Variants in TNS1 observed in about 807,000 individuals in gnomAD.
TNS1 encodes tensin-1.
In TNS1, 62 loss-of-function variants were observed where a neutral mutation model predicts 168.6. The observed-to-expected ratio is 0.37, with a 90% confidence interval of 0.30 to 0.45. The LOEUF is 0.45. Among genes scored for constraint, TNS1 ranks in the 20% least tolerant of loss-of-function variants. The probability of loss-of-function intolerance (pLI) is 1.00; values close to 1 mark genes in which losing one functional copy is unlikely to be tolerated. For missense variants in TNS1, 2,240 were observed against 2,339.4 expected, an observed-to-expected ratio of 0.96 and a Z score of 0.88; for synonymous variants, 934 against 933.2, an observed-to-expected ratio of 1.00 and a Z score of -0.02.
At chr2:217,808,379 G>C (rs1360472607) in intron 31 of TNS1, among the ~76,000 whole-genome samples, 3 of 152,136 alleles carry the variant, frequency 2.0e-5, no homozygotes, top group Admixed American at 6.5e-5. Flanking sequence ...CATGGCAGAG[G>C]GGGTAGCAGT....
chr2:218,003,005 C>T, upstream of TNS1: 1 of 446,318 alleles, frequency 2.2e-6, no homozygotes. Context: ...TGCTGGGCCT[C>T]TCGCCCTGCT....
chr2:217,968,980 T>G (rs188378950), intron 3 of TNS1, among the ~76,000 whole-genome samples: 24 of 152,322 alleles, frequency 1.6e-4, no homozygotes, highest in African/African-American at 5.5e-4. Flanking sequence ...ATTACAGGCA[T>G]GAGTCACCAC....
At chr2:217,980,199 G>A (rs1194746220) in intron 2 of TNS1, among the ~76,000 whole-genome samples, 2 of 152,058 alleles carry the variant, frequency 1.3e-5, no homozygotes, top group Non-Finnish European at 2.9e-5. Context: ...GCTGAGCAAG[G>A]TTTTCCTGAC....
At chr2:217,921,607 T>C (rs987830229) in intron 3 of TNS1, among the ~76,000 whole-genome samples, 18 of 152,178 alleles carry the variant, frequency 1.2e-4, no homozygotes, top group African/African-American at 4.1e-4. Context: ...TTCCTGGGTT[T>C]TTGACACAGT....
At chr2:217,884,013 T>C (rs955304456) in intron 16 of TNS1, among the ~76,000 whole-genome samples, 1 of 152,192 alleles carries the variant, frequency 6.6e-6, no homozygotes, top group Non-Finnish European at 1.5e-5. Flanking sequence ...CATGTTTGTG[T>C]GTCTCTCACT....
At chr2:217,867,693 G>A (rs59819986) in intron 18 of TNS1, among the ~76,000 whole-genome samples, 325 of 152,220 alleles carry the variant, frequency 2.1e-3, no homozygotes, top group African/African-American at 7.3e-3. Flanking sequence ...TCCTCTTCCC[G>A]GCTTCCCAAA....
intron 4 of TNS1, among the ~76,000 whole-genome samples, chr2:217,918,758 G>A (rs1468700850): frequency 9.3e-6 from 1 of 107,886 alleles, no homozygotes; most frequent in Admixed American, 1.0e-4. Flanking sequence ...CTCCCCGCCC[G>A]CCCTCCTCGG....
At chr2:217,977,642 CACA>C (rs1486668053) in intron 3 of TNS1, among the ~76,000 whole-genome samples, 1 of 152,178 alleles carries the variant, frequency 6.6e-6, no homozygotes, top group Non-Finnish European at 1.5e-5. Context: ...ATTGAATTCT[CACA>C]ACAACTTTAT....
chr2:217,822,461 T>C (rs1001423643), intron 22 of TNS1, among the ~76,000 whole-genome samples: 1 of 152,170 alleles, frequency 6.6e-6, no homozygotes, highest in Admixed American at 6.5e-5. Context: ...AGTCTTGCCC[T>C]GTGGGGCTGC....
In TNS1 at chr2:217,813,748, C is replaced by T; in HGVS notation, c.4798G>A (p.Ala1600Thr). Residue 1600 changes from alanine to threonine, a missense_variant, in exon 26 of 33, where the codon GCG (alanine) becomes ACG (threonine). Transcript: ENST00000682258. This position sits in a 1 kb window ranked among gnomAD's most constrained non-coding sequence, Gnocchi z 4.0. Reference protein sequence around the residue: ...IIRDSHSFRGAYGLAMKVSSP... With the variant: ...IIRDSHSFRGTYGLAMKVSSP... ...GACACCTTCATGGCCAGCCCGTACGCGCCTCGGAAGGAGTGACTGTCGCGG... is the reference window on the plus strand; with the variant it reads ...GACACCTTCATGGCCAGCCCGTACGTGCCTCGGAAGGAGTGACTGTCGCGG... 1.2e-6 allele frequency: 2 copies of T among 1,613,998 alleles called. No homozygotes were observed. Among genetic ancestry groups the T allele is most frequent in the Non-Finnish European group, 1.7e-6 (2 of 1,179,946 alleles).
chr2:217,966,300 TGTGTGTGTGCGCGCGCGCGC>T (rs1957630652), intron 3 of TNS1, among the ~76,000 whole-genome samples: 1 of 142,156 alleles, frequency 7.0e-6, no homozygotes. Flanking sequence ...TGTGTGTGTG[TGTGTGTGTGCGCGCGCGCGC>T]GTGTGTAAGG....
chr2:217,997,561 T>G (rs1958493147), intron 1 of TNS1, among the ~76,000 whole-genome samples: 1 of 152,216 alleles, frequency 6.6e-6, no homozygotes, highest in Admixed American at 6.5e-5. Context: ...GGGAGGAATA[T>G]GATTACCTTA....
intron 3 of TNS1, among the ~76,000 whole-genome samples, chr2:217,966,940 AAC>A (rs1575144954): frequency 1.3e-5 from 2 of 152,222 alleles, no homozygotes; most frequent in African/African-American, 4.8e-5. Context: ...TGACAGTGTG[AAC>A]AATCACATCT....
At chr2:217,887,334 GT>G (rs760217219) in intron 12 of TNS1, among the ~76,000 whole-genome samples, 2 of 152,156 alleles carry the variant, frequency 1.3e-5, no homozygotes, top group African/African-American at 2.4e-5. Flanking sequence ...TTGAGATGGA[GT>G]TTCACTCTTG....
chr2:217,816,939 T>G (rs1203755759), intron 24 of TNS1, among the ~76,000 whole-genome samples: 1 of 152,186 alleles, frequency 6.6e-6, no homozygotes, highest in East Asian at 1.9e-4. Context: ...AGTTCAAAGT[T>G]GGCCTTTGTG....
chr2:217,998,219 G>GTCTCTCTCTCTCTCTC lies in TNS1; in HGVS notation c.33+4620_33+4621insGAGAGAGAGAGAGAGA, dbSNP rs1173660793. Reference sequence around the variant, plus strand: ...TGAGATAGATGAGTTCTCTCCATCAGTGTCTCTCTCTCTCTCTCTCTCTCT... The same window carrying GTCTCTCTCTCTCTCTC: ...TGAGATAGATGAGTTCTCTCCATCAGTCTCTCTCTCTCTCTCTGTCTCTCTCTCTCTCTCTCTCTCT... On this transcript the variant is annotated intron_variant, in intron 1 of 32. Coordinates refer to ENST00000682258, the MANE Select transcript of TNS1 (RefSeq NM_001387777.1). Among the ~76,000 whole-genome samples, 422 of 97,048 alleles carry GTCTCTCTCTCTCTCTC rather than the reference G, an allele frequency of 4.3e-3. 3 individuals carry two copies. The highest frequency in any genetic ancestry group is 0.017 in the African/African-American group (398 of 23,160). 63.7% of individuals were successfully genotyped at this position (97,048 alleles called of 152,430 possible).
Position 217,990,926 on chromosome 2 carries a change from C to A in TNS1, c.148+16G>T. ...GATGGGTGCTCCCATCCCCCACAGC[C>A]CAGACCGCTGCTCACCTTTGCAGGT... On this transcript the variant is annotated intron_variant, in intron 2 of 32. Transcript: ENST00000682258. The A allele has an allele frequency of 1.6e-6, 1 of 632,668 alleles. No individual in the cohort carries two copies. The highest frequency in any genetic ancestry group is 2.9e-6 in the Non-Finnish European group (1 of 341,066). The allele number at this position is 632,668 out of a possible 1,614,324, so 39.2% of individuals were successfully genotyped here. A position where few individuals can be genotyped will look rare whatever the true frequency, so the allele number is the denominator to read the frequency against.
chr2:217,996,215 T>A (rs1329963550), intron 1 of TNS1, among the ~76,000 whole-genome samples: 1 of 152,112 alleles, frequency 6.6e-6, no homozygotes, highest in Non-Finnish European at 1.5e-5. Flanking sequence ...AAGCCCTGGA[T>A]GATGTGGGGA....
At chr2:217,964,304 A>G (rs1178346939) in intron 3 of TNS1, among the ~76,000 whole-genome samples, 1 of 152,238 alleles carries the variant, frequency 6.6e-6, no homozygotes, top group African/African-American at 2.4e-5. Context: ...GTTTATGACT[A>G]TTACAGATCA....
Sources: gnomAD v4.1 joint callset for allele counts (sites outside exome capture counted in the v4.1 genomes callset) on GRCh38, gnomAD v4.1.1 for gene constraint, Gnocchi (gnomAD v3.1) non-coding constraint, MANE v1.5 for transcripts, NCBI Gene and HGNC (gene_info 2026-07-23, HGNC 2026-07-21) for gene names.